NXPE4: variants seen among roughly 807,000 people sequenced by gnomAD.
NXPE4 encodes the protein NXPE family member 4.
NXPE4 carries 42 observed loss-of-function variants against 33.3 expected under a neutral mutation model. The observed-to-expected ratio is 1.26, with a 90% CI of 0.98 to 1.63. NXPE4 has a LOEUF of 1.63. Ranked by LOEUF, NXPE4 falls within the 40% of genes most tolerant of loss-of-function variation. NXPE4 has a pLI of 0.00. For missense variants in NXPE4, 709 were observed against 647.6 expected (o/e 1.09, Z -1.03); for synonymous variants, 253 against 234.9 (o/e 1.08, Z -0.71).
At chr11:114,670,121 T>C in the NXPE4 span, among the ~76,000 whole-genome samples, 1 of 152,012 alleles carries the variant, frequency 6.6e-6, no homozygotes, top group African/African-American at 2.4e-5. Flanking sequence ...CTATATTTAA[T>C]TTAATTAGAC....
At chr11:114,647,711 T>A in the NXPE4 span, among the ~76,000 whole-genome samples, 17 of 151,914 alleles carry the variant, frequency 1.1e-4, 1 homozygote, top group East Asian at 2.5e-3. Context: ...TTTTATTTTT[T>A]TTTTTTTTGA....
chr11:114,582,378 T>C lies in NXPE4; in HGVS notation c.740A>G (p.Gln247Arg). The change falls in exon 3 of 6, where the codon CAA becomes CGA. Residue 247 changes from glutamine (Q) to arginine (R), a missense_variant. Gln to Arg is a conservative substitution (Grantham distance 43, BLOSUM62 1). Transcript: ENST00000375478. ...DQEGFYCVRP[Q>R]HMPCAALTHM... ...AGTGAGTGCAGCACAGGGCATGTGT[T>C]GAGGCCTCACACAGTAGAAGCCTTC... is the stretch of plus-strand genomic sequence containing the variant. 1 of 1,614,182 alleles carries C rather than the reference T, an allele frequency of 6.2e-7. No homozygotes were observed. The highest frequency in any genetic ancestry group is 8.5e-7 in the Non-Finnish European group (1 of 1,179,976).
chr11:114,634,945 G>A, the NXPE4 span, among the ~76,000 whole-genome samples: 1 of 151,930 alleles, frequency 6.6e-6, no homozygotes, highest in Admixed American at 6.6e-5. Context: ...TTGGTGATGA[G>A]GGCCCTTTTT....
At chr11:114,634,948 C>T in the NXPE4 span, among the ~76,000 whole-genome samples, 21 of 151,978 alleles carry the variant, frequency 1.4e-4, no homozygotes, top group Middle Eastern at 3.4e-3. Context: ...GTGATGAGGG[C>T]CCTTTTTTGG....
the NXPE4 span, among the ~76,000 whole-genome samples, chr11:114,618,042 C>CAACTCTTACCCTGTGGATAAT: frequency 1.3e-5 from 2 of 152,042 alleles, no homozygotes; most frequent in South Asian, 4.1e-4. Context: ...TCGTGGGTAA[C>CAACTCTTACCCTGTGGATAAT]AACTCTTACC....
chr11:114,670,597 C>G, the NXPE4 span, among the ~76,000 whole-genome samples: 1 of 151,960 alleles, frequency 6.6e-6, no homozygotes, highest in South Asian at 2.1e-4. Context: ...GAGGCTGAGG[C>G]AGGAGGATCA....
chr11:114,654,397 G>T, the NXPE4 span, among the ~76,000 whole-genome samples: 1 of 151,844 alleles, frequency 6.6e-6, no homozygotes. Flanking sequence ...GAATGTGCAG[G>T]TTTGTTACAT....
chr11:114,647,950 T>G, the NXPE4 span, among the ~76,000 whole-genome samples: 6 of 152,210 alleles, frequency 3.9e-5, no homozygotes, highest in Non-Finnish European at 8.8e-5. Flanking sequence ...TCCACCTGCC[T>G]TGGCCTCCCA....
chr11:114,666,041 A>T, the NXPE4 span, among the ~76,000 whole-genome samples: 3 of 152,098 alleles, frequency 2.0e-5, no homozygotes, highest in South Asian at 2.1e-4. Flanking sequence ...CCTGCATCTT[A>T]TGAGAATCCT....
chr11:114,625,113 T>A, the NXPE4 span, among the ~76,000 whole-genome samples: 6 of 152,258 alleles, frequency 3.9e-5, no homozygotes, highest in South Asian at 1.2e-3. Flanking sequence ...AAGTATTGCC[T>A]CATGGGTAAC....
At chr11:114,600,560 A>C (rs1949625716), upstream of NXPE4, among the ~76,000 whole-genome samples, 1 of 152,092 alleles carries the variant, frequency 6.6e-6, no homozygotes, top group South Asian at 2.1e-4. Context: ...CGTTCTACAA[A>C]ATAATATTTT....
At chr11:114,623,379 GATA>G in the NXPE4 span, among the ~76,000 whole-genome samples, 2 of 151,980 alleles carry the variant, frequency 1.3e-5, no homozygotes, top group African/African-American at 4.8e-5. Flanking sequence ...TTAAACGTGG[GATA>G]ATAAGTATTG....
chr11:114,615,476 C>T, the NXPE4 span, among the ~76,000 whole-genome samples: 35 of 151,924 alleles, frequency 2.3e-4, no homozygotes, highest in African/African-American at 5.8e-4. Flanking sequence ...AGTATTGCTT[C>T]GTGGGTAACC....
chr11:114,626,104 C>T, the NXPE4 span, among the ~76,000 whole-genome samples: 9,323 of 152,190 alleles, frequency 0.061, 399 homozygotes, highest in Non-Finnish European at 0.094. Flanking sequence ...GGGAGAGGGG[C>T]GCCCGCCATT....
At chr11:114,658,854 A>G in the NXPE4 span, among the ~76,000 whole-genome samples, 1 of 152,182 alleles carries the variant, frequency 6.6e-6, no homozygotes, top group African/African-American at 2.4e-5. Context: ...CCAACAAAAG[A>G]GAATCTCACT....
At chr11:114,653,314 C>T in the NXPE4 span, among the ~76,000 whole-genome samples, 1 of 152,168 alleles carries the variant, frequency 6.6e-6, no homozygotes, top group Admixed American at 6.5e-5. Context: ...AAGAAAGCAG[C>T]AGCCATCTCA....
chr11:114,598,197 A>G (rs997760968), upstream of NXPE4, among the ~76,000 whole-genome samples: 2 of 118,538 alleles, frequency 1.7e-5, no homozygotes, highest in African/African-American at 6.5e-5. Flanking sequence ...CAGAGCTCCA[A>G]AATAATCTCC....
At chr11:114,632,137 A>G in the NXPE4 span, among the ~76,000 whole-genome samples, 1 of 143,906 alleles carries the variant, frequency 6.9e-6, no homozygotes, top group South Asian at 2.1e-4. Context: ...AAAATATATT[A>G]TAATTTATTA....
chr11:114,672,363 T>C, the NXPE4 span, among the ~76,000 whole-genome samples: 1 of 151,676 alleles, frequency 6.6e-6, no homozygotes, highest in African/African-American at 2.4e-5. Context: ...GGAATTAAGA[T>C]GTTACACTAG....
Sources: allele counts gnomAD v4.1 joint callset (sites outside exome capture counted in the v4.1 genomes callset), GRCh38; gene constraint gnomAD v4.1.1; transcripts MANE v1.5; gene names NCBI Gene and HGNC (gene_info 2026-07-23, HGNC 2026-07-21).